The following CFDP1 variants were observed in gnomAD, a reference collection of about 807,000 sequenced individuals.
The protein encoded by CFDP1 is chromatin remodeling protein CFDP1.
Under a neutral mutation model 40.1 loss-of-function variants are expected in CFDP1, and 31 were observed. That is an observed-to-expected ratio of 0.77 (90% CI 0.58 to 1.04). The LOEUF (loss-of-function observed/expected upper bound fraction) is 1.04. Among genes scored for constraint, CFDP1 ranks in the 50% least tolerant of loss-of-function variants. The pLI is 0.00. For synonymous variants in CFDP1, 167 were observed against 120.0 expected (o/e 1.39, Z -2.56); for missense variants, 423 against 343.4 (o/e 1.23, Z -1.83).
chr16:75,303,224 G>A (rs1420017733), intron 6 of CFDP1, among the ~76,000 whole-genome samples: 2 of 149,842 alleles, frequency 1.3e-5, no homozygotes, highest in Non-Finnish European at 3.0e-5. Context: ...AAATTAGCTG[G>A]GCGTGTAGGC....
chr16:75,364,442 T>C (rs1026206120), intron 5 of CFDP1, among the ~76,000 whole-genome samples: 2 of 152,102 alleles, frequency 1.3e-5, no homozygotes, highest in Non-Finnish European at 2.9e-5. Flanking sequence ...TTCAGGGAGC[T>C]GAAAAGGTTA....
At chr16:75,424,711 G>T (rs1353393296) in intron 1 of CFDP1, among the ~76,000 whole-genome samples, 2 of 147,990 alleles carry the variant, frequency 1.4e-5, no homozygotes, top group Non-Finnish European at 3.0e-5. Context: ...CCAAGATCGT[G>T]CCACTGCACA....
chr16:75,399,877 G>A (rs561354999), intron 4 of CFDP1, among the ~76,000 whole-genome samples: 58 of 152,148 alleles, frequency 3.8e-4, no homozygotes, highest in Admixed American at 1.3e-3. Context: ...CAAGGCAGGC[G>A]GATCACCTGA....
At position 75,395,217 on chromosome 16, in the gene CFDP1, A is replaced by C; in HGVS notation, c.531-8T>G. 1 of 1,612,688 alleles carries C rather than the reference A, an allele frequency of 6.2e-7. No individual in the cohort carries two copies. The highest frequency in any genetic ancestry group is 8.5e-7 in the Non-Finnish European group (1 of 1,179,142). On this transcript the variant is annotated splice_region_variant and splice_polypyrimidine_tract_variant and intron_variant, in intron 4 of 6. Coordinates refer to ENST00000283882, the MANE Select transcript of CFDP1 (RefSeq NM_006324.3). Reference sequence around the variant, plus strand: ...TCCACTTCCTTAGTTACCCTGTGCCAAGGAAAAAGACATCAAGCTTACAAG... The same window carrying C: ...TCCACTTCCTTAGTTACCCTGTGCCCAGGAAAAAGACATCAAGCTTACAAG...
At chr16:75,425,749 G>A (rs2079333698) in intron 1 of CFDP1, among the ~76,000 whole-genome samples, 1 of 151,666 alleles carries the variant, frequency 6.6e-6, no homozygotes, top group Admixed American at 6.6e-5. Flanking sequence ...AAAAGTAAAT[G>A]CTGGCCGGGC....
intron 5 of CFDP1, among the ~76,000 whole-genome samples, chr16:75,320,282 G>A (rs1200763165): frequency 1.3e-5 from 2 of 152,164 alleles, no homozygotes; most frequent in African/African-American, 4.8e-5. Flanking sequence ...GCTTTTATGT[G>A]ACCATGACTC....
intron 6 of CFDP1, among the ~76,000 whole-genome samples, chr16:75,297,166 C>CTGTG (rs71158597): frequency 8.2e-4 from 117 of 143,456 alleles, no homozygotes; most frequent in African/African-American, 2.7e-3. Flanking sequence ...GTGTGTGTGT[C>CTGTG]TGTGTGTGTG....
At chr16:75,406,368 C>T (rs1025992091) in intron 4 of CFDP1, among the ~76,000 whole-genome samples, 6 of 151,324 alleles carry the variant, frequency 4.0e-5, no homozygotes, top group African/African-American at 1.5e-4. Context: ...CAGAGTGAGA[C>T]CCTGTCTCAA....
chr16:75,317,180 T>A (rs189206851), intron 5 of CFDP1, among the ~76,000 whole-genome samples: 2 of 152,174 alleles, frequency 1.3e-5, no homozygotes, highest in Non-Finnish European at 2.9e-5. Context: ...TGGTGCCTGG[T>A]ACGCATGAGG....
chr16:75,310,378 A>T (rs867626671), intron 5 of CFDP1, among the ~76,000 whole-genome samples: 11 of 152,314 alleles, frequency 7.2e-5, no homozygotes, highest in Middle Eastern at 3.4e-3. Flanking sequence ...GACCTATCAT[A>T]ACACCAGACA....
chr16:75,420,295 G>T (rs1200818392), intron 1 of CFDP1, among the ~76,000 whole-genome samples: 1 of 152,112 alleles, frequency 6.6e-6, no homozygotes, highest in Admixed American at 6.6e-5. Context: ...ACCAGATATT[G>T]TGTCTTCTGA....
At chr16:75,409,670 C>T (rs2079138939) in intron 4 of CFDP1, among the ~76,000 whole-genome samples, 1 of 151,994 alleles carries the variant, frequency 6.6e-6, no homozygotes, top group African/African-American at 2.4e-5. Context: ...GTAGGAGACA[C>T]GTGCTAAAGT....
At chr16:75,362,918 T>C (rs891687052) in intron 5 of CFDP1, 1 of 152,206 alleles carries the variant, frequency 6.6e-6, no homozygotes, top group Non-Finnish European at 1.5e-5. Context: ...TTTGTTATTA[T>C]GGCAGTGGCA....
At chr16:75,407,654 CAAAAAAAAAAAAAAA>C (rs11456525) in intron 4 of CFDP1, among the ~76,000 whole-genome samples, 2 of 116,794 alleles carry the variant, frequency 1.7e-5, no homozygotes, top group Non-Finnish European at 3.4e-5. Context: ...GACCCTGTCT[CAAAAAAAAAAAAAAA>C]AAAGAAAAAA....
At chr16:75,398,884 C>G (rs1292101068) in intron 4 of CFDP1, among the ~76,000 whole-genome samples, 1 of 151,890 alleles carries the variant, frequency 6.6e-6, no homozygotes, top group Non-Finnish European at 1.5e-5. Context: ...GAAACCCCGT[C>G]TCTACTAAAA....
At chr16:75,377,076 G>C (rs1480168139) in intron 5 of CFDP1, among the ~76,000 whole-genome samples, 2 of 152,210 alleles carry the variant, frequency 1.3e-5, no homozygotes, top group African/African-American at 4.8e-5. Context: ...GCTAGCTCTT[G>C]AATTACTTCC....
At chr16:75,383,546 C>G (rs1438408311) in intron 5 of CFDP1, among the ~76,000 whole-genome samples, 1 of 152,098 alleles carries the variant, frequency 6.6e-6, no homozygotes, top group Admixed American at 6.6e-5. Context: ...CCCAGCGAGG[C>G]GCTGTGGCTC....
At chr16:75,366,967 C>G (rs1328034816) in intron 5 of CFDP1, among the ~76,000 whole-genome samples, 1 of 151,852 alleles carries the variant, frequency 6.6e-6, no homozygotes, top group African/African-American at 2.4e-5. Flanking sequence ...AGTTCAAGAC[C>G]AGCCTGGCCA....
chr16:75,319,470 T>C (rs1567644260), intron 5 of CFDP1, among the ~76,000 whole-genome samples: 1 of 152,144 alleles, frequency 6.6e-6, no homozygotes, highest in Non-Finnish European at 1.5e-5. Flanking sequence ...TGCTTTATGG[T>C]CGTTGCATTA....
Sources: gnomAD v4.1 joint callset for allele counts (sites outside exome capture counted in the v4.1 genomes callset) on GRCh38, gnomAD v4.1.1 for gene constraint, MANE v1.5 for transcripts, NCBI Gene and HGNC (gene_info 2026-07-23, HGNC 2026-07-21) for gene names.